ASZ1: variants seen among roughly 807,000 people sequenced by gnomAD.
ASZ1 encodes ankyrin repeat, SAM and basic leucine zipper domain-containing protein 1.
Under a neutral mutation model 61.8 loss-of-function variants are expected in ASZ1, and 67 were observed. That is an observed-to-expected ratio of 1.08 (90% CI 0.89 to 1.33). ASZ1 has a LOEUF of 1.33. ASZ1 is among the 40% of genes most tolerant of loss of function. The pLI, the probability that ASZ1 is intolerant of heterozygous loss-of-function variation, is 0.00. For synonymous variants in ASZ1, 193 were observed against 192.7 expected, an observed-to-expected ratio of 1.00 and a Z score of -0.01; for missense variants, 577 against 554.5, an observed-to-expected ratio of 1.04 and a Z score of -0.41.
At chr7:117,369,670 G>C (rs1254368209) in intron 10 of ASZ1, among the ~76,000 whole-genome samples, 1 of 152,154 alleles carries the variant, frequency 6.6e-6, no homozygotes, top group Admixed American at 6.6e-5. Flanking sequence ...TGAAAAACTT[G>C]GTGATGGATT....
At chr7:117,395,057 T>C (rs1033499096) in intron 4 of ASZ1, among the ~76,000 whole-genome samples, 3 of 152,238 alleles carry the variant, frequency 2.0e-5, no homozygotes, top group East Asian at 1.9e-4. Context: ...TGGTGATTTT[T>C]GGTTGTGCAC....
Position 117,390,179 on chromosome 7 carries a change from G to GTT in ASZ1, c.441-4372_441-4371dup, listed in dbSNP as rs35059050. 9.6e-3 allele frequency among the ~76,000 whole-genome samples: 1,424 copies of GTT among 148,500 alleles called. 12 individuals carry two copies. Among genetic ancestry groups the GTT allele is most frequent in the Non-Finnish European group, 0.015 (1,021 of 66,998 alleles). On this transcript the variant is annotated intron_variant, in intron 4 of 12. Coordinates refer to ENST00000284629, the MANE Select transcript of ASZ1 (RefSeq NM_130768.3). ...GTTCTATATCTTTGTAACAGTGGGGGTTTTTTTTTTGAGACAGGGTTGTAC... is the reference window on the plus strand; with the variant it reads ...GTTCTATATCTTTGTAACAGTGGGGGTTTTTTTTTTTTGAGACAGGGTTGTAC...
At chr7:117,369,421 G>A (rs900080947) in intron 10 of ASZ1, among the ~76,000 whole-genome samples, 3 of 152,206 alleles carry the variant, frequency 2.0e-5, no homozygotes, top group African/African-American at 7.2e-5. Flanking sequence ...TGATGATGTA[G>A]AGTTACTAAG....
At chr7:117,398,332 G>A (rs1796614699) in intron 4 of ASZ1, among the ~76,000 whole-genome samples, 1 of 152,118 alleles carries the variant, frequency 6.6e-6, no homozygotes, top group Non-Finnish European at 1.5e-5. Context: ...CTTTGTCTCA[G>A]CAGCTCCACT....
rs1795875833 is a variant in ASZ1 at position 117,363,760 on chromosome 7, T to C, written c.1276-12A>G. On this transcript the variant is annotated splice_polypyrimidine_tract_variant and intron_variant, in intron 12 of 12. Coordinates refer to ENST00000284629, the MANE Select transcript of ASZ1 (RefSeq NM_130768.3). ...CGTTCATTTTGCAACTAATATTTAG[T>C]ATGGAAAAAGAAAAGAGGAGTTACT... 1 of 1,549,878 alleles carries C rather than the reference T, an allele frequency of 6.5e-7. No homozygotes were observed. Among genetic ancestry groups the C allele is most frequent in the Non-Finnish European group, 8.7e-7 (1 of 1,148,018 alleles).
chr7:117,412,321 T>C (rs1283833274), intron 4 of ASZ1, among the ~76,000 whole-genome samples: 1 of 151,888 alleles, frequency 6.6e-6, no homozygotes, highest in Admixed American at 6.6e-5. Flanking sequence ...TGACAATTTC[T>C]AGTAATGTTT....
Position 117,422,375 on chromosome 7 carries a change from C to T in ASZ1, c.206-16G>A. 2 of 1,608,152 alleles carry T rather than the reference C, an allele frequency of 1.2e-6. No individual in the cohort carries two copies. The highest frequency in any genetic ancestry group is 1.1e-5 in the South Asian group (1 of 89,736). The stretch of plus-strand genomic sequence containing the variant: ...ACACTAATGCCTGTCAATATAAAAA[C>T]AAGCTTTTAAAAGCACACTACCACC... On this transcript the variant is annotated splice_polypyrimidine_tract_variant and intron_variant, in intron 2 of 12. Coordinates refer to ENST00000284629, the MANE Select transcript of ASZ1 (RefSeq NM_130768.3).
chr7:117,422,196 C>T, intron 3 of ASZ1, 41 bp downstream of exon 3: 6 of 1,580,808 alleles, frequency 3.8e-6, no homozygotes, highest in Non-Finnish European at 5.1e-6. Context: ...ACCAAGGAAT[C>T]ACAGTAAGCA....
At chr7:117,367,553 A>C in intron 11 of ASZ1, 88 bp from the exon 12 acceptor site, 25 of 1,219,454 alleles carry the variant, frequency 2.1e-5, no homozygotes, top group Non-Finnish European at 2.6e-5. Flanking sequence ...ACATTCTTAA[A>C]CATTAGATTA....
At chr7:117,394,110 C>T (rs1285576844) in intron 4 of ASZ1, among the ~76,000 whole-genome samples, 1 of 151,878 alleles carries the variant, frequency 6.6e-6, no homozygotes, top group East Asian at 1.9e-4. Context: ...CCCACCCTGG[C>T]CCCCCTTTTT....
chr7:117,379,148 TATATATATATATATATATATACACACAC>T (rs1562847655), intron 10 of ASZ1, among the ~76,000 whole-genome samples: 2 of 98,200 alleles, frequency 2.0e-5, no homozygotes, highest in African/African-American at 1.0e-4. Flanking sequence ...TATATATATA[TATATATATATATATATATATACACACAC>T]ACACACACAC....
At chr7:117,398,580 C>T (rs935179043) in intron 4 of ASZ1, among the ~76,000 whole-genome samples, 2 of 152,158 alleles carry the variant, frequency 1.3e-5, no homozygotes, top group Non-Finnish European at 2.9e-5. Flanking sequence ...TTGCAATAAT[C>T]TTTTAACTGG....
At chr7:117,376,870 G>A (rs4730778) in intron 10 of ASZ1, among the ~76,000 whole-genome samples, 1 of 151,862 alleles carries the variant, frequency 6.6e-6, no homozygotes, top group African/African-American at 2.4e-5. Context: ...CCTGAGATTG[G>A]GAAGAAGGCA....
chr7:117,415,592 T>C lies in ASZ1; in HGVS notation c.440+4571A>G, dbSNP rs569283430. Among the ~76,000 whole-genome samples, 7 of 152,326 alleles carry C rather than the reference T, an allele frequency of 4.6e-5. No homozygotes were observed. In the East Asian group the frequency reaches 5.8e-4, roughly 13 times the overall value. On this transcript the variant is annotated intron_variant, in intron 4 of 12. Coordinates refer to ENST00000284629, the MANE Select transcript of ASZ1 (RefSeq NM_130768.3). ...TATGCCTAACTTATAAATTATCACA[T>C]ATATGTAGGCATAGGAAAAAATACA...
At chr7:117,386,794 C>T (rs1796364910) in intron 4 of ASZ1, among the ~76,000 whole-genome samples, 1 of 152,084 alleles carries the variant, frequency 6.6e-6, no homozygotes, top group African/African-American at 2.4e-5. Context: ...CACTTCACAC[C>T]TATGTCCTTG....
chr7:117,426,748 A>T, intron 2 of ASZ1, 88 bp downstream of exon 2: 1 of 1,152,824 alleles, frequency 8.7e-7, no homozygotes, highest in Non-Finnish European at 1.2e-6. Flanking sequence ...CGTTTCCATT[A>T]GAAAAGCAAC....
chr7:117,403,510 G>T (rs1251003803), intron 4 of ASZ1, among the ~76,000 whole-genome samples: 1 of 152,048 alleles, frequency 6.6e-6, no homozygotes, highest in Non-Finnish European at 1.5e-5. Context: ...ACTCTCAGTT[G>T]GAATTTTTTG....
intron 2 of ASZ1, among the ~76,000 whole-genome samples, chr7:117,423,210 T>G (rs1319818719): frequency 2.0e-5 from 3 of 152,116 alleles, no homozygotes; most frequent in Non-Finnish European, 2.9e-5. Context: ...AGTAAGTTTT[T>G]TTTGTTTGTT....
intron 4 of ASZ1, among the ~76,000 whole-genome samples, chr7:117,398,251 A>G (rs1281195793): frequency 6.6e-6 from 1 of 152,160 alleles, no homozygotes; most frequent in Non-Finnish European, 1.5e-5. Flanking sequence ...TCAACACGCC[A>G]AGAACCTGGA....
Sources: allele counts gnomAD v4.1 joint callset (sites outside exome capture counted in the v4.1 genomes callset), GRCh38; gene constraint gnomAD v4.1.1; transcripts MANE v1.5; gene names NCBI Gene and HGNC (gene_info 2026-07-23, HGNC 2026-07-21).